Variants in SNTG2 observed in about 807,000 individuals in gnomAD.
The protein encoded by SNTG2 is syntrophin gamma 2, also known as gamma-2-syntrophin.
In SNTG2, 74 loss-of-function variants were observed where a neutral mutation model predicts 70.9. The ratio of observed to expected loss-of-function variants is 1.04; its 90% CI spans 0.86 to 1.27. The LOEUF (loss-of-function observed/expected upper bound fraction) is 1.27, where lower values mean the gene tolerates loss of function less well. SNTG2 is among the 50% of genes most tolerant of loss of function. SNTG2 has a pLI of 0.00. For missense variants in SNTG2, 717 were observed against 690.7 expected (o/e 1.04, Z -0.43); for synonymous variants, 278 against 273.8 (o/e 1.02, Z -0.15).
rs190210611 is a variant in SNTG2, at chr2:1,209,122, C to T, written c.611C>T (p.Ser204Leu). The change falls in exon 9 of 17, where the codon TCG becomes TTG. Residue 204 changes from serine (S) to leucine (L), a missense_variant. Physicochemically the swap from Ser to Leu is moderately radical, Grantham distance 145 (BLOSUM62 -2). Transcript: ENST00000308624. The part of the protein sequence containing the change: ...SSTTAPSSPS[S>L]PIAKDPRYEK... ...GTACAGGCCCCATCGTCACCTTCCT[C>T]GCCCATAGCTAAGGACCCGAGGTAT... The T allele has an allele frequency of 2.5e-3, 4,033 of 1,613,978 alleles. 11 individuals carry two copies. The highest frequency in any genetic ancestry group is 2.7e-3 in the Non-Finnish European group (3,178 of 1,179,900).
At chr2:1,028,645 C>G (rs1035478054) in intron 1 of SNTG2, among the ~76,000 whole-genome samples, 1 of 152,048 alleles carries the variant, frequency 6.6e-6, no homozygotes, top group Admixed American at 6.5e-5. Context: ...ATGCTTTACT[C>G]GAAAAGACTC....
intron 2 of SNTG2, among the ~76,000 whole-genome samples, chr2:1,095,180 A>AC (rs1171604327): frequency 6.6e-6 from 1 of 152,104 alleles, no homozygotes; most frequent in Non-Finnish European, 1.5e-5. Flanking sequence ...ACCTCATCTG[A>AC]CCTTAGTTAC....
Position 1,366,010 on chromosome 2 carries a change from C to T in SNTG2, c.1489-1333C>T, listed in dbSNP as rs1441730740. On this transcript the variant is annotated intron_variant, in intron 16 of 16. Coordinates refer to ENST00000308624, the MANE Select transcript of SNTG2 (RefSeq NM_018968.4). ...TGAAAATGACCAAGATCCTGCCTTT[C>T]GAGAGCTTAAAGGAGCATGTCTGTG... 2.0e-5 allele frequency among the ~76,000 whole-genome samples: 3 copies of T among 151,550 alleles called. No homozygotes were observed. The South Asian group carries it at 6.3e-4, about 32-fold the overall frequency.
chr2:1,082,965 G>A (rs11127458), intron 1 of SNTG2, among the ~76,000 whole-genome samples: 115,955 of 152,012 alleles, frequency 0.76, 44,820 homozygotes, highest in Admixed American at 0.87. Context: ...AGGAACAACA[G>A]GCCTGGCCTG....
chr2:1,215,828 G>A (rs1176712413), intron 9 of SNTG2, among the ~76,000 whole-genome samples: 1 of 151,568 alleles, frequency 6.6e-6, no homozygotes, highest in Non-Finnish European at 1.5e-5. Context: ...CCTTGTGATA[G>A]TTTGCTGAGA....
chr2:1,098,264 G>T lies in SNTG2; in HGVS notation c.267+12G>T, dbSNP rs2148211670. 6.2e-7 allele frequency: 1 copy of T among 1,613,972 alleles called. No homozygotes were observed. Among genetic ancestry groups the T allele is most frequent in the Non-Finnish European group, 8.5e-7 (1 of 1,179,850 alleles). On this transcript the variant is annotated intron_variant, in intron 3 of 16. Transcript: ENST00000308624. ...GCCTGAGTATAAAGGTATGGAAATGGTTTTCTCTATTCCTGCTTTTTATTT... is the reference window on the plus strand; with the variant it reads ...GCCTGAGTATAAAGGTATGGAAATGTTTTTCTCTATTCCTGCTTTTTATTT...
chr2:1,117,016 G>A (rs151170014), intron 4 of SNTG2, among the ~76,000 whole-genome samples: 2 of 144,758 alleles, frequency 1.4e-5, no homozygotes, highest in African/African-American at 5.4e-5. Context: ...CTGGTGTGTG[G>A]GTGCTCTGGT....
chr2:1,212,500 CT>C (rs1172479091), intron 9 of SNTG2, among the ~76,000 whole-genome samples: 1 of 152,126 alleles, frequency 6.6e-6, no homozygotes, highest in Admixed American at 6.5e-5. Flanking sequence ...TAACAGCAAA[CT>C]GAAAGGTTTA....
intron 9 of SNTG2, among the ~76,000 whole-genome samples, chr2:1,221,832 T>TCTCTGC (rs1674960164): frequency 5.4e-5 from 1 of 18,386 alleles, no homozygotes; most frequent in African/African-American, 4.4e-4. Context: ...TCTCTCTCTG[T>TCTCTGC]CTCTCTCTGT....
Position 1,134,785 on chromosome 2 carries a change from G to A in SNTG2, c.326-2837G>A, listed in dbSNP as rs376441501. On this transcript the variant is annotated intron_variant, in intron 4 of 16. Transcript: ENST00000308624. ...CACGGTGGAGCAGGGGGCGTCGCTC[G>A]TTGGGGAGGCTCCAGCCGCACAGGA... Among the ~76,000 whole-genome samples, 47 of 152,260 alleles carry A rather than the reference G, an allele frequency of 3.1e-4. 1 individual carries two copies. The highest frequency in any genetic ancestry group is 1.1e-3 in the African/African-American group (46 of 41,568).
At chr2:968,475 C>G (rs962873229) in intron 1 of SNTG2, among the ~76,000 whole-genome samples, 1 of 151,816 alleles carries the variant, frequency 6.6e-6, no homozygotes, top group Admixed American at 6.6e-5. Context: ...TTTTGAAGTT[C>G]ATTGATTTTT....
chr2:1,210,767 A>G (rs1235005576), intron 9 of SNTG2: 1 of 152,178 alleles, frequency 6.6e-6, no homozygotes, highest in East Asian at 1.9e-4. Flanking sequence ...GCTTAGATAC[A>G]CAGATACTTG....
chr2:1,235,210 A>G (rs1676537798), intron 9 of SNTG2, among the ~76,000 whole-genome samples: 1 of 137,586 alleles, frequency 7.3e-6, no homozygotes, highest in Non-Finnish European at 1.6e-5. Flanking sequence ...TACAGGCCCC[A>G]CCAGGCACCC....
intron 14 of SNTG2, among the ~76,000 whole-genome samples, chr2:1,288,359 T>C (rs1679851621): frequency 6.6e-6 from 1 of 152,238 alleles, no homozygotes; most frequent in Non-Finnish European, 1.5e-5. Flanking sequence ...AAACACCATG[T>C]AAATCTCTGA....
At chr2:1,300,424 A>C (rs1329018394) in intron 14 of SNTG2, among the ~76,000 whole-genome samples, 1 of 152,192 alleles carries the variant, frequency 6.6e-6, no homozygotes, top group African/African-American at 2.4e-5. Flanking sequence ...CCCCAGGATA[A>C]AAACAGGAAG....
chr2:1,362,894 G>C (rs550518585), intron 16 of SNTG2, among the ~76,000 whole-genome samples: 10 of 152,006 alleles, frequency 6.6e-5, no homozygotes, highest in African/African-American at 2.2e-4. Flanking sequence ...AGTCACCAAC[G>C]CTGAGCATTT....
At chr2:1,214,416 A>C (rs1241522462) in intron 9 of SNTG2, among the ~76,000 whole-genome samples, 2 of 152,108 alleles carry the variant, frequency 1.3e-5, no homozygotes, top group Non-Finnish European at 2.9e-5. Context: ...GTCATCTATA[A>C]TTTCCTTTAT....
chr2:1,121,581 G>T (rs549113871), intron 4 of SNTG2, among the ~76,000 whole-genome samples: 5 of 152,100 alleles, frequency 3.3e-5, no homozygotes, highest in African/African-American at 9.7e-5. Flanking sequence ...TCACAGTTCC[G>T]CATGGCTGGG....
intron 16 of SNTG2, among the ~76,000 whole-genome samples, chr2:1,362,560 A>C (rs1661246291): frequency 6.6e-6 from 1 of 151,846 alleles, no homozygotes. Flanking sequence ...ATTTCAATAG[A>C]ACTTCCATGA....
Sources: allele counts gnomAD v4.1 joint callset (sites outside exome capture counted in the v4.1 genomes callset), GRCh38; gene constraint gnomAD v4.1.1; transcripts MANE v1.5; gene names NCBI Gene and HGNC (gene_info 2026-07-23, HGNC 2026-07-21).